The following CD28 variants were observed in gnomAD, a reference collection of about 807,000 sequenced individuals.
The protein encoded by CD28 is T-cell-specific surface glycoprotein CD28.
CD28 carries 8 observed loss-of-function variants against 21.4 expected under a neutral mutation model. That is an observed-to-expected ratio of 0.37 (90% CI 0.22 to 0.68). The LOEUF is 0.68. CD28 is among the 30% of genes least tolerant of loss of function. CD28 has a pLI of 0.55. For missense variants in CD28, 239 were observed against 272.2 expected (o/e 0.88, Z 0.86); for synonymous variants, 106 against 104.0 (o/e 1.02, Z -0.12).
chr2:203,713,323 T>C (rs1693366867), intron 1 of CD28, among the ~76,000 whole-genome samples: 1 of 152,076 alleles, frequency 6.6e-6, no homozygotes, highest in Non-Finnish European at 1.5e-5. Context: ...GGATGGCTAG[T>C]CGAAAGGAGA....
intron 1 of CD28, among the ~76,000 whole-genome samples, chr2:203,719,040 A>G (rs1021430585): frequency 5.3e-5 from 8 of 152,226 alleles, no homozygotes; most frequent in African/African-American, 1.7e-4. Flanking sequence ...TGTTTTGTAT[A>G]TGTGCATTAG....
At chr2:203,727,206 G>C (rs553491153) in intron 2 of CD28, among the ~76,000 whole-genome samples, 170 of 152,216 alleles carry the variant, frequency 1.1e-3, no homozygotes, top group Non-Finnish European at 4.0e-4. Flanking sequence ...GACATTGAGC[G>C]GGAGAGTAAG....
chr2:203,721,317 T>C (rs186968667), intron 1 of CD28, among the ~76,000 whole-genome samples: 16 of 152,314 alleles, frequency 1.1e-4, no homozygotes, highest in African/African-American at 3.6e-4. Context: ...ATAAAAGCCT[T>C]CAGTAGATCT....
intron 1 of CD28, among the ~76,000 whole-genome samples, chr2:203,712,082 C>T (rs570198058): frequency 7.0e-4 from 107 of 152,134 alleles, no homozygotes; most frequent in Non-Finnish European, 1.0e-3. Flanking sequence ...GTCCCAGCTA[C>T]TGGGGAGGCT....
chr2:203,728,103 C>T lies in CD28; in HGVS notation c.409+1114C>T, dbSNP rs780667436. 4.5e-4 allele frequency among the ~76,000 whole-genome samples: 69 copies of T among 152,248 alleles called. 2 individuals are homozygous for T. The highest frequency in any genetic ancestry group is 1.3e-4 in the Non-Finnish European group (9 of 68,050). On this transcript the variant is annotated intron_variant, in intron 2 of 3. Transcript: ENST00000324106. ...GTGATTACAGGCGTAAGCCACCGCG[C>T]CCAGCCCGTACCTTTCCATTTTCTA...
In CD28 at chr2:203,726,558, T is replaced by G. The variant is rs56126134; in HGVS notation, c.53-75T>G. On this transcript the variant is annotated intron_variant, in intron 1 of 3. Transcript: ENST00000324106. ...CTGGAGATCTGTTCATTTAGTTAAT[T>G]AATATATTTTGCTCTCAGGAAGAAA... The G allele has an allele frequency of 8.6e-3, 8,592 of 997,082 alleles. 63 individuals carry two copies. The highest frequency in any genetic ancestry group is 0.041 in the Middle Eastern group (192 of 4,644). The allele number at this position is 997,082 out of a possible 1,614,324, so 61.8% of individuals were successfully genotyped here. A position where few individuals can be genotyped will look rare whatever the true frequency, so the allele number is the denominator to read the frequency against.
At chr2:203,730,401 G>A (rs1259838858) in intron 3 of CD28, among the ~76,000 whole-genome samples, 1 of 152,186 alleles carries the variant, frequency 6.6e-6, no homozygotes, top group Non-Finnish European at 1.5e-5. Flanking sequence ...TAAATGTGGT[G>A]TATTTTTCTT....
At chr2:203,715,212 T>G (rs910498800) in intron 1 of CD28, among the ~76,000 whole-genome samples, 3 of 152,040 alleles carry the variant, frequency 2.0e-5, no homozygotes, top group Non-Finnish European at 4.4e-5. Context: ...TACCTGTGGG[T>G]TTTCTTTTGA....
intron 3 of CD28, among the ~76,000 whole-genome samples, chr2:203,733,279 A>C (rs1693946116): frequency 6.6e-6 from 1 of 152,176 alleles, no homozygotes; most frequent in Non-Finnish European, 1.5e-5. Context: ...CCCCGTTGTG[A>C]TGATCCAAAA....
chr2:203,729,666 G>A lies in CD28; in HGVS notation c.428G>A (p.Ser143Asn), dbSNP rs751246088. 2 of 1,613,932 alleles carry A rather than the reference G, an allele frequency of 1.2e-6. No homozygotes were observed. The highest frequency in any genetic ancestry group is 1.7e-6 in the Non-Finnish European group (2 of 1,179,870). Residue 143 changes from serine to asparagine, a missense_variant, in exon 3 of 4, where the codon AGT (serine) becomes AAT (asparagine). By Grantham distance (46) the Ser-to-Asn change is conservative (BLOSUM62 1). Around this residue, in one of 3 missense-constraint regions of CD28, gnomAD observed 112 missense variants for 112.8 expected, o/e 0.99. Coordinates refer to ENST00000324106, the MANE Select transcript of CD28 (RefSeq NM_006139.4). The stretch of plus-strand genomic sequence containing the variant: ...TTTTCAGGGAAACACCTTTGTCCAA[G>A]TCCCCTATTTCCCGGACCTTCTAAG... Reference protein sequence around the residue: ...IHVKGKHLCPSPLFPGPSKPF... With the variant: ...IHVKGKHLCPNPLFPGPSKPF...
intron 1 of CD28, among the ~76,000 whole-genome samples, chr2:203,717,189 G>A (rs1269128812): frequency 6.6e-6 from 1 of 152,076 alleles, no homozygotes; most frequent in African/African-American, 2.4e-5. Context: ...TATTTATATT[G>A]TTACCTATAA....
chr2:203,714,361 A>G (rs1693404850), intron 1 of CD28, among the ~76,000 whole-genome samples: 1 of 152,116 alleles, frequency 6.6e-6, no homozygotes, highest in African/African-American at 2.4e-5. Flanking sequence ...GGTTCAAACC[A>G]ACCCTGCCCA....
intron 1 of CD28, among the ~76,000 whole-genome samples, chr2:203,719,070 G>A (rs1244961767): frequency 6.6e-6 from 1 of 152,142 alleles, no homozygotes; most frequent in Non-Finnish European, 1.5e-5. Flanking sequence ...ATTTGGAAAT[G>A]TATTTTTTTC....
intron 2 of CD28, among the ~76,000 whole-genome samples, chr2:203,727,890 G>A (rs1693795012): frequency 6.6e-6 from 1 of 152,148 alleles, no homozygotes; most frequent in African/African-American, 2.4e-5. Flanking sequence ...TGTTAGCCAG[G>A]ATGGTCTCGA....
At chr2:203,714,098 G>A (rs147704246) in intron 1 of CD28, among the ~76,000 whole-genome samples, 287 of 152,206 alleles carry the variant, frequency 1.9e-3, no homozygotes, top group African/African-American at 6.5e-3. Context: ...GAGACTTATA[G>A]GGGTAGAGAT....
In CD28 at chr2:203,738,080, C is replaced by G. The variant is rs1176050129; in HGVS notation, c.*3168C>G. The G allele has an allele frequency of 6.6e-6, 1 of 152,160 alleles. No homozygotes were observed. The highest frequency in any genetic ancestry group is 1.5e-5 in the Non-Finnish European group (1 of 68,032). 9.4% of individuals were successfully genotyped at this position (152,160 alleles called of 1,614,324 possible). On this transcript the variant is annotated 3_prime_UTR_variant, in exon 4 of 4. Coordinates refer to ENST00000324106, the MANE Select transcript of CD28 (RefSeq NM_006139.4). Reference sequence around the variant, plus strand: ...GTTTGCTTGACTTCAGTCACAATTTCTTATCAGACCAATGGCTGACCTCTT... The same window carrying G: ...GTTTGCTTGACTTCAGTCACAATTTGTTATCAGACCAATGGCTGACCTCTT...
chr2:203,720,964 G>GT (rs1354606445), intron 1 of CD28, among the ~76,000 whole-genome samples: 1 of 152,184 alleles, frequency 6.6e-6, no homozygotes, highest in African/African-American at 2.4e-5. Context: ...CTGTGAGATA[G>GT]TTTCCTATTT....
At chr2:203,721,058 C>T (rs1210867238) in intron 1 of CD28, among the ~76,000 whole-genome samples, 3 of 152,112 alleles carry the variant, frequency 2.0e-5, no homozygotes, top group Non-Finnish European at 4.4e-5. Context: ...ATTTTATCAG[C>T]CAACCTTGAA....
Position 203,706,658 on chromosome 2 carries a change from G to T in CD28, c.-39G>T, listed in dbSNP as rs763453947. ...CCCCTCACACTTCGGGTTCCTCGGG[G>T]AGGAGGGGCTGGAACCCTAGCCCAT... On this transcript the variant is annotated 5_prime_UTR_variant, in exon 1 of 4. Transcript: ENST00000324106. 1.2e-6 allele frequency: 2 copies of T among 1,614,086 alleles called. No individual in the cohort carries two copies. The highest frequency in any genetic ancestry group is 2.7e-5 in the African/African-American group (2 of 75,040).
Sources: gnomAD v4.1 joint callset for allele counts (sites outside exome capture counted in the v4.1 genomes callset) on GRCh38, gnomAD v4.1.1 for gene constraint, gnomAD v4.1.1 regional missense constraint, MANE v1.5 for transcripts, NCBI Gene and HGNC (gene_info 2026-07-23, HGNC 2026-07-21) for gene names.